The following GALNT18 variants were observed in gnomAD, a reference collection of about 807,000 sequenced individuals.
GALNT18 encodes the protein polypeptide N-acetylgalactosaminyltransferase 18.
A neutral mutation model predicts 69.5 loss-of-function variants in GALNT18; 44 were observed. That is an observed-to-expected ratio of 0.63 (90% CI 0.50 to 0.81). The LOEUF (loss-of-function observed/expected upper bound fraction) is 0.81, where lower values mean the gene tolerates loss of function less well. Among genes scored for constraint, GALNT18 ranks in the 40% least tolerant of loss-of-function variants. The probability of loss-of-function intolerance (pLI) is 0.00; values close to 1 mark genes in which losing one functional copy is unlikely to be tolerated. For missense variants in GALNT18, 715 were observed against 810.0 expected, an observed-to-expected ratio of 0.88 and a Z score of 1.42; for synonymous variants, 364 against 318.2, an observed-to-expected ratio of 1.14 and a Z score of -1.53.
At chr11:11,534,860 C>T (rs1051670640) in intron 1 of GALNT18, among the ~76,000 whole-genome samples, 1 of 152,236 alleles carries the variant, frequency 6.6e-6, no homozygotes, top group African/African-American at 2.4e-5. Flanking sequence ...TGTTGATGTT[C>T]CTGGTGCAGC....
At chr11:11,285,278 A>G (rs930707450) in intron 10 of GALNT18, among the ~76,000 whole-genome samples, 4 of 152,280 alleles carry the variant, frequency 2.6e-5, no homozygotes, top group Non-Finnish European at 5.9e-5. Flanking sequence ...CTGATTTTTG[A>G]CAAATGACTT....
chr11:11,605,602 A>G lies in GALNT18; in HGVS notation c.235+15757T>C, dbSNP rs4910393. 0.96 allele frequency among the ~76,000 whole-genome samples: 146,045 copies of G among 152,292 alleles called. 70,040 individuals carry two copies. Among genetic ancestry groups the G allele is most frequent in the East Asian group, 1 (5,159 of 5,166 alleles). On this transcript the variant is annotated intron_variant, in intron 1 of 10. Coordinates refer to ENST00000227756, the MANE Select transcript of GALNT18 (RefSeq NM_198516.3). The surrounding 1 kb of genome is among the most constrained non-coding windows in gnomAD (Gnocchi z 4.7). ...CCCAAGCACTCTGTTTCCTTTCTTG[A>G]AAATGAAGCTATGCTTTCTCCTTTC...
intron 7 of GALNT18, among the ~76,000 whole-genome samples, chr11:11,333,459 A>G (rs529032444): frequency 5.3e-5 from 8 of 152,344 alleles, no homozygotes; most frequent in African/African-American, 1.9e-4. Context: ...AGAGAGGTTC[A>G]GTAACCTCCT....
chr11:11,283,922 A>G (rs1415285200), intron 10 of GALNT18, among the ~76,000 whole-genome samples: 3 of 152,200 alleles, frequency 2.0e-5, no homozygotes, highest in Non-Finnish European at 4.4e-5. Context: ...AATAATTCCT[A>G]GAGCCAGGTT....
intron 1 of GALNT18, among the ~76,000 whole-genome samples, chr11:11,580,778 A>T (rs749758763): frequency 5.9e-5 from 9 of 152,248 alleles, no homozygotes; most frequent in Non-Finnish European, 1.0e-4. Flanking sequence ...TCCTGGGCTC[A>T]GCAGGGATTA....
intron 1 of GALNT18, among the ~76,000 whole-genome samples, chr11:11,504,312 C>A (rs971515174): frequency 1.3e-5 from 2 of 152,208 alleles, no homozygotes; most frequent in African/African-American, 4.8e-5. Context: ...GCAAAGTCCT[C>A]TTTTCCAGGT....
chr11:11,439,062 C>T lies in GALNT18; in HGVS notation c.429-6275G>A, dbSNP rs1032380459. 9.2e-5 allele frequency among the ~76,000 whole-genome samples: 14 copies of T among 152,272 alleles called. No individual in the cohort carries two copies. Among genetic ancestry groups the T allele is most frequent in the East Asian group, 5.8e-4 (3 of 5,184 alleles). ...GAGGCAGCCTAGCACAGAAGCTCTG[C>T]GTAGCTGGATCTAGTAATTTTAAAG... On this transcript the variant is annotated intron_variant, in intron 2 of 10. Coordinates refer to ENST00000227756, the MANE Select transcript of GALNT18 (RefSeq NM_198516.3). The surrounding 1 kb of genome is among the most constrained non-coding windows in gnomAD (Gnocchi z 4.4).
chr11:11,277,044 T>G (rs767498223), intron 10 of GALNT18, among the ~76,000 whole-genome samples: 29 of 152,164 alleles, frequency 1.9e-4, no homozygotes, highest in Non-Finnish European at 3.4e-4. Context: ...TTAGGGAGGA[T>G]TCCCTCTTTT....
At chr11:11,552,169 G>A (rs1858212833) in intron 1 of GALNT18, among the ~76,000 whole-genome samples, 1 of 97,816 alleles carries the variant, frequency 1.0e-5, no homozygotes, top group South Asian at 2.5e-4. Flanking sequence ...GCAGCCATAG[G>A]CCCTCTGGAA....
chr11:11,533,425 G>A (rs1053818871), intron 1 of GALNT18, among the ~76,000 whole-genome samples: 7 of 152,078 alleles, frequency 4.6e-5, no homozygotes, highest in African/African-American at 9.7e-5. Context: ...TGATGCTAAC[G>A]CCCTCCAAGC....
intron 1 of GALNT18, among the ~76,000 whole-genome samples, chr11:11,526,497 A>G (rs1857528876): frequency 6.6e-6 from 1 of 152,220 alleles, no homozygotes; most frequent in Non-Finnish European, 1.5e-5. Flanking sequence ...AGTAATAAAT[A>G]CATCATTCTT....
chr11:11,550,456 T>TA (rs1235533223), intron 1 of GALNT18, among the ~76,000 whole-genome samples: 2 of 152,202 alleles, frequency 1.3e-5, no homozygotes, highest in African/African-American at 4.8e-5. Flanking sequence ...CAGAACTGTG[T>TA]AACCCCCATC....
chr11:11,410,757 G>A (rs1236733474), intron 3 of GALNT18, among the ~76,000 whole-genome samples: 5 of 152,152 alleles, frequency 3.3e-5, no homozygotes, highest in Non-Finnish European at 7.3e-5. Flanking sequence ...AGAACTGGTG[G>A]CTCCTGTCTC....
At chr11:11,537,129 A>G (rs1190600792) in intron 1 of GALNT18, among the ~76,000 whole-genome samples, 2 of 152,116 alleles carry the variant, frequency 1.3e-5, no homozygotes, top group African/African-American at 2.4e-5. Context: ...TAATAATTCT[A>G]TGGGAGAGGC....
intron 1 of GALNT18, among the ~76,000 whole-genome samples, chr11:11,545,671 C>T (rs571730013): frequency 1.3e-5 from 2 of 152,314 alleles, no homozygotes; most frequent in Admixed American, 1.3e-4. Context: ...AGCGTTTTCC[C>T]ATCAAAAGAG....
intron 5 of GALNT18, among the ~76,000 whole-genome samples, chr11:11,375,614 C>T (rs780958363): frequency 1.3e-5 from 2 of 152,214 alleles, no homozygotes; most frequent in African/African-American, 2.4e-5. Flanking sequence ...CTGGCTCTAC[C>T]GCCCAGAGCC....
In GALNT18 at chr11:11,602,422, G is replaced by A. The variant is rs2133947598; in HGVS notation, c.235+18937C>T. Among the ~76,000 whole-genome samples the A allele has an allele frequency of 6.6e-6, 1 of 152,294 alleles. No homozygotes were observed. The highest frequency in any genetic ancestry group is 1.9e-4 in the East Asian group (1 of 5,176). ...TCCTGGTGGCCTGGCCCTTCTGGGA[G>A]AGAAATATAGCCCTAGAGTGGAAGT... is the stretch of plus-strand genomic sequence containing the variant. On this transcript the variant is annotated intron_variant, in intron 1 of 10. Coordinates refer to ENST00000227756, the MANE Select transcript of GALNT18 (RefSeq NM_198516.3). The surrounding 1 kb of genome is among the most constrained non-coding windows in gnomAD (Gnocchi z 4.7).
intron 1 of GALNT18, among the ~76,000 whole-genome samples, chr11:11,466,572 C>G (rs758384022): frequency 6.6e-6 from 1 of 152,156 alleles, no homozygotes; most frequent in Non-Finnish European, 1.5e-5. Flanking sequence ...GTCTGAGACC[C>G]CTCTTTCCTC....
chr11:11,354,891 A>G (rs568775425), intron 6 of GALNT18, among the ~76,000 whole-genome samples: 1 of 152,258 alleles, frequency 6.6e-6, no homozygotes, highest in South Asian at 2.1e-4. Context: ...CGAAGCCTGT[A>G]ACCTGTAATT....
Sources: gnomAD v4.1 joint callset for allele counts (sites outside exome capture counted in the v4.1 genomes callset) on GRCh38, gnomAD v4.1.1 for gene constraint, Gnocchi (gnomAD v3.1) non-coding constraint, MANE v1.5 for transcripts, NCBI Gene and HGNC (gene_info 2026-07-23, HGNC 2026-07-21) for gene names.